The following ALS2 variants were observed in gnomAD, a reference collection of about 807,000 sequenced individuals.
ALS2 encodes the protein alsin Rho guanine nucleotide exchange factor ALS2.
Under a neutral mutation model 203.4 loss-of-function variants are expected in ALS2, and 117 were observed. The ratio of observed to expected loss-of-function variants is 0.58; its 90% CI spans 0.50 to 0.67. The LOEUF is 0.67. Among genes scored for constraint, ALS2 ranks in the 30% least tolerant of loss-of-function variants. The pLI is 0.00. For missense variants in ALS2, 1,715 were observed against 1,989.4 expected (o/e 0.86, Z 2.62); for synonymous variants, 718 against 725.9 (o/e 0.99, Z 0.17).
At chr2:201,756,207 T>C (rs1252991838) in intron 5 of ALS2, among the ~76,000 whole-genome samples, 2 of 152,010 alleles carry the variant, frequency 1.3e-5, no homozygotes, top group Non-Finnish European at 2.9e-5. Context: ...TTTATATACT[T>C]AAAATGCTAA....
In ALS2 at chr2:201,718,179, A is replaced by G. The variant is rs1015679416; in HGVS notation, c.3734T>C (p.Ile1245Thr). ...CCATTCTCCACTAAAATAACCTTCA[A>G]TGTAGTCTCCATTTGGCATAGTCAG... ...GTLTMPNGDYIEGYFSGEWGS... is the reference protein window; with the variant it reads ...GTLTMPNGDYTEGYFSGEWGS... Residue 1245 changes from isoleucine (I) to threonine (T), a missense_variant, in exon 24 of 34, where the codon ATT becomes ACT. By Grantham distance (89) the Ile-to-Thr change is moderately conservative (BLOSUM62 -1). This residue lies in a region of ALS2 where 1,227 missense variants were observed against 1,413.5 expected (regional missense o/e 0.87). Coordinates refer to ENST00000264276, the MANE Select transcript of ALS2 (RefSeq NM_020919.4). 2 of 1,613,590 alleles carry G rather than the reference A, an allele frequency of 1.2e-6. No homozygotes were observed.
In ALS2 at chr2:201,728,784, A is replaced by T. The variant is rs1047855437; in HGVS notation, c.2713-144T>A. 11 of 1,082,796 alleles carry T rather than the reference A, an allele frequency of 1.0e-5. No homozygotes were observed. The Admixed American group carries it at 1.1e-4, about 10-fold the overall frequency. 67.1% of individuals were successfully genotyped at this position (1,082,796 alleles called of 1,614,324 possible). Reference sequence around the variant, plus strand: ...GGTGTAAAATCTAAATTTATATGGGATCTAAACACTTCACAAAATTAGAGC... The same window carrying T: ...GGTGTAAAATCTAAATTTATATGGGTTCTAAACACTTCACAAAATTAGAGC... On this transcript the variant is annotated intron_variant, in intron 14 of 33. Coordinates refer to ENST00000264276, the MANE Select transcript of ALS2 (RefSeq NM_020919.4).
chr2:201,710,946 G>C, intron 26 of ALS2, 45 bp downstream of exon 26: 2 of 1,147,916 alleles, frequency 1.7e-6, no homozygotes, highest in Non-Finnish European at 2.6e-6. Flanking sequence ...TGTGGTAGGT[G>C]AATCATTAAT....
At chr2:201,765,991 A>C (rs1319027249) in intron 3 of ALS2, among the ~76,000 whole-genome samples, 1 of 152,222 alleles carries the variant, frequency 6.6e-6, no homozygotes, top group Non-Finnish European at 1.5e-5. Context: ...GAATAATAAT[A>C]GAAGCTACCT....
chr2:201,714,911 A>C (rs1690269596), intron 25 of ALS2, among the ~76,000 whole-genome samples: 1 of 152,158 alleles, frequency 6.6e-6, no homozygotes, highest in Non-Finnish European at 1.5e-5. Flanking sequence ...TCACATCCCC[A>C]GTATTTTCTG....
chr2:201,772,485 T>TA (rs1378765443), intron 1 of ALS2, among the ~76,000 whole-genome samples: 1 of 152,014 alleles, frequency 6.6e-6, no homozygotes, highest in Admixed American at 6.5e-5. Context: ...GATATGAGGT[T>TA]ATTTATCACT....
Position 201,708,824 on chromosome 2 carries a change from T to C in ALS2, c.4281-833A>G, listed in dbSNP as rs78121895. On this transcript the variant is annotated intron_variant, in intron 27 of 33. Coordinates refer to ENST00000264276, the MANE Select transcript of ALS2 (RefSeq NM_020919.4). ...ACCCTTTAAAGGCAATATGCAGTCT[T>C]CTCTATTTTTGTAGACTTACATCTT... Among the ~76,000 whole-genome samples, 1,052 of 152,252 alleles carry C rather than the reference T, an allele frequency of 6.9e-3. 16 individuals carry two copies. The highest frequency in any genetic ancestry group is 0.024 in the African/African-American group (1,016 of 41,538).
intron 5 of ALS2, among the ~76,000 whole-genome samples, chr2:201,754,989 C>A (rs551684108): frequency 6.6e-6 from 1 of 152,142 alleles, no homozygotes; most frequent in Non-Finnish European, 1.5e-5. Flanking sequence ...AAACATTTAG[C>A]CACAGAAACC....
At position 201,780,882 on chromosome 2, in the gene ALS2, G is replaced by C. The variant is rs1005490584; in HGVS notation, c.-66C>G. ...CGGGACCCACACTCGCTCACCTGAAGCTCCACCGGCAGCACCGCGCTCCGC... is the reference window on the plus strand; with the variant it reads ...CGGGACCCACACTCGCTCACCTGAACCTCCACCGGCAGCACCGCGCTCCGC... On this transcript the variant is annotated 5_prime_UTR_variant, in exon 1 of 34. Transcript: ENST00000264276. The C allele has an allele frequency of 1.3e-5, 2 of 152,722 alleles. No homozygotes were observed. The highest frequency in any genetic ancestry group is 4.8e-5 in the African/African-American group (2 of 41,464). 9.5% of individuals were successfully genotyped at this position (152,722 alleles called of 1,614,324 possible).
Position 201,754,655 on chromosome 2 carries a change from T to A in ALS2, c.1488A>T (p.Leu496Phe). 1.2e-6 allele frequency: 2 copies of A among 1,614,064 alleles called. No individual in the cohort carries two copies. The highest frequency in any genetic ancestry group is 1.7e-6 in the Non-Finnish European group (2 of 1,179,996). The change falls in exon 6 of 34, where the codon TTA becomes TTT. Residue 496 changes from leucine to phenylalanine, a missense_variant. Leu to Phe is a conservative substitution (Grantham distance 22, BLOSUM62 0). This residue lies in a region of ALS2 where 1,227 missense variants were observed against 1,413.5 expected (regional missense o/e 0.87). Coordinates refer to ENST00000264276, the MANE Select transcript of ALS2 (RefSeq NM_020919.4). ...GLLSQVSPRL[L>F]RKAARVKTRT... The stretch of plus-strand genomic sequence containing the variant: ...TCGTTTTCACCCGTGCAGCCTTTCT[T>A]AAGAGCCTGGGGGAAACTGAAAACC...
rs182808050 is a variant in ALS2, at chr2:201,702,277, G to A, written c.4936-388C>T. Among the ~76,000 whole-genome samples the A allele has an allele frequency of 2.0e-5, 3 of 151,906 alleles. No individual in the cohort carries two copies. The East Asian group carries it at 5.8e-4, about 29-fold the overall frequency. On this transcript the variant is annotated intron_variant, in intron 33 of 33. Coordinates refer to ENST00000264276, the MANE Select transcript of ALS2 (RefSeq NM_020919.4). ...TATGATTAATAAATATACAGATTAA[G>A]CATCATTGCAGACCTGGGGAGTCAT...
In ALS2 at chr2:201,724,256, A is replaced by T. The variant is rs921289577; in HGVS notation, c.3512+39T>A. ...TGTTAAATAATGATGGTGCTTAATC[A>T]TTGGCTTAAACTGTGGGAATAGAAG... On this transcript the variant is annotated intron_variant, in intron 21 of 33. Transcript: ENST00000264276. 3.2e-6 allele frequency: 5 copies of T among 1,584,890 alleles called. No individual in the cohort carries two copies. The African/African-American group carries it at 5.4e-5, about 17-fold the overall frequency.
intron 1 of ALS2, among the ~76,000 whole-genome samples, chr2:201,777,518 T>C (rs1474184298): frequency 6.6e-6 from 1 of 152,182 alleles, no homozygotes; most frequent in African/African-American, 2.4e-5. Context: ...ATCTTAACTA[T>C]ACATAAAACT....
intron 2 of ALS2, among the ~76,000 whole-genome samples, chr2:201,767,592 G>A (rs1694154778): frequency 6.6e-6 from 1 of 151,986 alleles, no homozygotes; most frequent in South Asian, 2.1e-4. Flanking sequence ...GTGGGGCGTG[G>A]TGGCTCACAC....
intron 23 of ALS2, among the ~76,000 whole-genome samples, chr2:201,719,487 G>T (rs1044783564): frequency 6.6e-6 from 1 of 152,200 alleles, no homozygotes; most frequent in Non-Finnish European, 1.5e-5. Flanking sequence ...TACTCAGGAG[G>T]CTGAGGCAGG....
intron 4 of ALS2, 188 bp downstream of exon 4, chr2:201,760,693 A>G: frequency 7.1e-7 from 1 of 1,408,832 alleles, no homozygotes; most frequent in South Asian, 1.8e-5. Context: ...GCCAGAACAA[A>G]CATAAAGAGT....
intron 13 of ALS2, among the ~76,000 whole-genome samples, chr2:201,732,135 C>G (rs1691597082): frequency 6.6e-6 from 1 of 152,132 alleles, no homozygotes; most frequent in Non-Finnish European, 1.5e-5. Context: ...CCTTGTAGGT[C>G]TTTTCTTTAG....
Position 201,701,794 on chromosome 2 carries a change from C to T in ALS2, c.*57G>A. ...CTTTTTTGCCACTACAGGAAGACTC[C>T]AGATGGTGTTATAACACTCTGTAGT... On this transcript the variant is annotated 3_prime_UTR_variant, in exon 34 of 34. Transcript: ENST00000264276. 3 of 1,523,266 alleles carry T rather than the reference C, an allele frequency of 2.0e-6. No individual in the cohort carries two copies. Among genetic ancestry groups the T allele is most frequent in the South Asian group, 1.1e-5 (1 of 89,034 alleles). The allele number at this position is 1,523,266 out of a possible 1,614,324, so 94.4% of individuals were successfully genotyped here.
chr2:201,724,994 T>A (rs947045109), intron 20 of ALS2, among the ~76,000 whole-genome samples: 1 of 151,162 alleles, frequency 6.6e-6, no homozygotes, highest in Non-Finnish European at 1.5e-5. Context: ...GCGCCTGGAG[T>A]CCCACCTACT....
Sources: gnomAD v4.1 joint callset for allele counts (sites outside exome capture counted in the v4.1 genomes callset) on GRCh38, gnomAD v4.1.1 for gene constraint, gnomAD v4.1.1 regional missense constraint, MANE v1.5 for transcripts, NCBI Gene and HGNC (gene_info 2026-07-23, HGNC 2026-07-21) for gene names.